BICD1: variants seen among roughly 807,000 people sequenced by gnomAD.
BICD1 encodes protein bicaudal D homolog 1.
In BICD1, 35 loss-of-function variants were observed where a neutral mutation model predicts 92.5. That is an observed-to-expected ratio of 0.38 (90% confidence interval 0.29 to 0.50). The LOEUF (loss-of-function observed/expected upper bound fraction) is 0.50, where lower values mean the gene tolerates loss of function less well. Among genes scored for constraint, BICD1 ranks in the 20% least tolerant of loss-of-function variants. The pLI, the probability that BICD1 is intolerant of heterozygous loss-of-function variation, is 0.93. For synonymous variants in BICD1, 429 were observed against 465.1 expected (o/e 0.92, Z 1.00); for missense variants, 950 against 1,189.8 (o/e 0.80, Z 2.97).
chr12:32,305,440 T>C (rs1298425246), intron 3 of BICD1, among the ~76,000 whole-genome samples: 2 of 151,628 alleles, frequency 1.3e-5, no homozygotes, highest in Non-Finnish European at 2.9e-5. Context: ...TATATAGATG[T>C]ATATTATTAG....
chr12:32,342,154 G>A (rs1460329786), intron 8 of BICD1, among the ~76,000 whole-genome samples: 1 of 144,870 alleles, frequency 6.9e-6, no homozygotes. Context: ...ATATATATGT[G>A]TGTATATATA....
intron 1 of BICD1, among the ~76,000 whole-genome samples, chr12:32,193,885 A>C (rs543935286): frequency 6.6e-6 from 1 of 152,346 alleles, no homozygotes; most frequent in Non-Finnish European, 1.5e-5. Context: ...TACCAAAGCC[A>C]GATAAGGACA....
At chr12:32,156,617 T>C (rs1450941654) in intron 1 of BICD1, among the ~76,000 whole-genome samples, 1 of 152,244 alleles carries the variant, frequency 6.6e-6, no homozygotes, top group Non-Finnish European at 1.5e-5. Flanking sequence ...ATTTGCTTTT[T>C]GGTCTTCTGG....
At chr12:32,127,938 G>C (rs1798265) in intron 1 of BICD1, among the ~76,000 whole-genome samples, 127,571 of 150,424 alleles carry the variant, frequency 0.85, 54,306 homozygotes, top group African/African-American at 0.92. Flanking sequence ...GACTCTTGCT[G>C]TGTCATCCAG....
intron 3 of BICD1, among the ~76,000 whole-genome samples, chr12:32,298,199 A>G (rs115494574): frequency 5.0e-4 from 53 of 106,872 alleles, no homozygotes; most frequent in East Asian, 1.2e-3. Context: ...AAAAAATGGG[A>G]AAAAAAAAAG....
intron 2 of BICD1, among the ~76,000 whole-genome samples, chr12:32,217,642 A>G (rs1399143565): frequency 6.6e-6 from 1 of 152,218 alleles, no homozygotes. Context: ...ACTAAGAAGA[A>G]GATGAGACAG....
chr12:32,259,263 T>G (rs942551791), intron 2 of BICD1, among the ~76,000 whole-genome samples: 1 of 152,146 alleles, frequency 6.6e-6, no homozygotes, highest in South Asian at 2.1e-4. Context: ...ATTTGTATTA[T>G]AACTATTCTA....
At chr12:32,193,167 T>C (rs1944626212) in intron 1 of BICD1, among the ~76,000 whole-genome samples, 1 of 152,116 alleles carries the variant, frequency 6.6e-6, no homozygotes, top group Non-Finnish European at 1.5e-5. Context: ...AGTTGATCAA[T>C]GCATTAAACT....
At chr12:32,217,315 G>C (rs1746817714) in intron 2 of BICD1, among the ~76,000 whole-genome samples, 1 of 152,176 alleles carries the variant, frequency 6.6e-6, no homozygotes, top group African/African-American at 2.4e-5. Flanking sequence ...GAGCATTTTA[G>C]TGATAGAAAT....
At chr12:32,132,866 A>G (rs1230710839) in intron 1 of BICD1, among the ~76,000 whole-genome samples, 1 of 152,166 alleles carries the variant, frequency 6.6e-6, no homozygotes, top group Non-Finnish European at 1.5e-5. Flanking sequence ...TTAGGAGGCT[A>G]TTGCAGTAGT....
chr12:32,113,699 A>G (rs1172002426), intron 1 of BICD1, among the ~76,000 whole-genome samples: 1 of 138,464 alleles, frequency 7.2e-6, no homozygotes, highest in African/African-American at 2.8e-5. Context: ...GCATACCACC[A>G]TGCTTGGGTA....
At chr12:32,373,380 G>A (rs1334365859) in intron 9 of BICD1, among the ~76,000 whole-genome samples, 1 of 152,122 alleles carries the variant, frequency 6.6e-6, no homozygotes, top group African/African-American at 2.4e-5. Flanking sequence ...TGTGATTGCA[G>A]CATTTTATGC....
chr12:32,107,677 A>C (rs896211668), intron 1 of BICD1, 133 bp downstream of exon 1: 1 of 998,578 alleles, frequency 1.0e-6, no homozygotes, highest in Non-Finnish European at 1.5e-6. Flanking sequence ...TTTGTTGGTA[A>C]GAGAAGATTG....
intron 2 of BICD1, among the ~76,000 whole-genome samples, chr12:32,283,823 T>C (rs575635831): frequency 1.0e-3 from 153 of 152,348 alleles, no homozygotes; most frequent in African/African-American, 3.5e-3. Context: ...GCCTGTCCCA[T>C]GGATCTGACA....
chr12:32,336,452 T>C (rs1938129418), intron 6 of BICD1, among the ~76,000 whole-genome samples: 2 of 152,230 alleles, frequency 1.3e-5, no homozygotes, highest in Non-Finnish European at 2.9e-5. Flanking sequence ...TTCTGTTTTT[T>C]GTTTTTTGAC....
At chr12:32,296,256 GTT>G (rs373796519) in intron 3 of BICD1, among the ~76,000 whole-genome samples, 1,275 of 90,094 alleles carry the variant, frequency 0.014, 15 homozygotes, top group African/African-American at 0.045. Flanking sequence ...GTTTTTTTTT[GTT>G]TTTTTTTTTT....
At chr12:32,287,261 A>C (rs1168171672) in intron 2 of BICD1, among the ~76,000 whole-genome samples, 1 of 152,146 alleles carries the variant, frequency 6.6e-6, no homozygotes, top group African/African-American at 2.4e-5. Context: ...TACTAGTAGC[A>C]CTTGTTACTT....
At chr12:32,203,772 GTCTCTTCTTTGGCC>G (rs67218773) in intron 1 of BICD1, among the ~76,000 whole-genome samples, 38,304 of 151,682 alleles carry the variant, frequency 0.25, 4,999 homozygotes, top group Middle Eastern at 0.33. Flanking sequence ...CCAGCTCTCG[GTCTCTTCTTTGGCC>G]TCTCTTCTTT....
rs896114645 is a variant in BICD1, at chr12:32,383,632, C to A, written c.*6005C>A. On this transcript the variant is annotated 3_prime_UTR_variant, in exon 10 of 10. Coordinates refer to ENST00000652176, the MANE Select transcript of BICD1 (RefSeq NM_001714.4). Reference sequence around the variant, plus strand: ...TAAACTGGTTATTTTTTGTTCATTTCATTAATGCTGCCTTTTTATCAATTT... The same window carrying A: ...TAAACTGGTTATTTTTTGTTCATTTAATTAATGCTGCCTTTTTATCAATTT... 6.6e-6 allele frequency: 1 copy of A among 152,080 alleles called. No homozygotes were observed. The highest frequency in any genetic ancestry group is 1.5e-5 in the Non-Finnish European group (1 of 68,000). 9.4% of individuals were successfully genotyped at this position (152,080 alleles called of 1,614,324 possible).
Sources: gnomAD v4.1 joint callset for allele counts (sites outside exome capture counted in the v4.1 genomes callset) on GRCh38, gnomAD v4.1.1 for gene constraint, MANE v1.5 for transcripts, NCBI Gene and HGNC (gene_info 2026-07-23, HGNC 2026-07-21) for gene names.